The following SRP54 variants were observed in gnomAD, a reference collection of about 807,000 sequenced individuals.
The protein encoded by SRP54 is signal recognition particle 54.
In SRP54, 10 loss-of-function variants were observed where a neutral mutation model predicts 64.8. The observed-to-expected ratio is 0.15, with a 90% confidence interval of 0.10 to 0.26. SRP54 has a LOEUF of 0.26. SRP54 is among the 10% of genes least tolerant of loss of function. SRP54 has a pLI of 1.00. For missense variants in SRP54, 325 were observed against 613.7 expected (o/e 0.53, Z 4.97); for synonymous variants, 193 against 185.6 (o/e 1.04, Z -0.32).
chr14:34,986,245 G>A (rs2043894239), intron 1 of SRP54, among the ~76,000 whole-genome samples: 1 of 152,154 alleles, frequency 6.6e-6, no homozygotes, highest in Admixed American at 6.5e-5. Flanking sequence ...AGAGAAAGTT[G>A]CTTGATACTT....
intron 1 of SRP54, among the ~76,000 whole-genome samples, chr14:34,992,103 T>G (rs1453299127): frequency 6.6e-6 from 1 of 151,956 alleles, no homozygotes; most frequent in African/African-American, 2.4e-5. Context: ...TGGCTAATTT[T>G]TGTGTTTTTA....
chr14:34,997,118 T>C (rs898051969), intron 2 of SRP54, among the ~76,000 whole-genome samples: 5 of 152,172 alleles, frequency 3.3e-5, no homozygotes, highest in Non-Finnish European at 5.9e-5. Context: ...AGACCTAAAA[T>C]TTCATTACTC....
rs570074490 is a variant in SRP54 at position 35,015,462 on chromosome 14, G to T, written c.973+632G>T. On this transcript the variant is annotated intron_variant, in intron 11 of 15. Coordinates refer to ENST00000216774, the MANE Select transcript of SRP54 (RefSeq NM_003136.4). ...CACATTTTCTTTACCCCACATGAAA[G>T]ACCACTCCTGTAGAGAAGGATATTA... is the stretch of plus-strand genomic sequence containing the variant. 4.6e-5 allele frequency among the ~76,000 whole-genome samples: 7 copies of T among 152,252 alleles called. 1 individual carries two copies. In the South Asian group the frequency reaches 1.5e-3, roughly 32 times the overall value.
intron 9 of SRP54, 69 bp from the exon 10 acceptor site, chr14:35,013,733 G>A (rs1238539020): frequency 2.4e-5 from 34 of 1,404,214 alleles, no homozygotes; most frequent in Non-Finnish European, 3.2e-5. Context: ...GATTCACTTC[G>A]AATTTCAGAT....
At chr14:34,999,813 G>A (rs929771689) in intron 3 of SRP54, 164 bp downstream of exon 3, 5 of 472,774 alleles carry the variant, frequency 1.1e-5, no homozygotes, top group African/African-American at 1.9e-5. Flanking sequence ...TGTGTAGTAC[G>A]TTTCCATAAT....
rs1395733282 is a variant in SRP54 at position 34,999,011 on chromosome 14, GTGGTT to G, written c.79-545_79-541del. Among the ~76,000 whole-genome samples the G allele has an allele frequency of 3.0e-4, 14 of 46,278 alleles. 2 individuals are homozygous for G. Among genetic ancestry groups the G allele is most frequent in the Non-Finnish European group, 4.9e-4 (11 of 22,402 alleles). 30.4% of individuals were successfully genotyped at this position (46,278 alleles called of 152,430 possible). A position where few individuals can be genotyped will look rare whatever the true frequency, so the allele number is the denominator to read the frequency against. ...TGTGTGTGTGTGTGTGTGTGTGTGTGTGGTTTTTTTTTTTTTTTTTTGAGACAAAG... is the reference window on the plus strand; with the variant it reads ...TGTGTGTGTGTGTGTGTGTGTGTGTGTTTTTTTTTTTTTTTTGAGACAAAG... On this transcript the variant is annotated intron_variant, in intron 2 of 15. Transcript: ENST00000216774.
intron 1 of SRP54, among the ~76,000 whole-genome samples, chr14:34,983,522 C>T (rs2043841963): frequency 6.6e-6 from 1 of 152,208 alleles, no homozygotes; most frequent in Non-Finnish European, 1.5e-5. Context: ...CCCGAAAATC[C>T]TTTTACTTGT....
At chr14:35,009,793 T>A (rs1258619162) in intron 7 of SRP54, among the ~76,000 whole-genome samples, 1 of 152,068 alleles carries the variant, frequency 6.6e-6, no homozygotes, top group Non-Finnish European at 1.5e-5. Context: ...TTCGGGAGGC[T>A]GAGGTGGGAG....
At chr14:35,015,455 C>T (rs2044423311) in intron 11 of SRP54, among the ~76,000 whole-genome samples, 2 of 152,182 alleles carry the variant, frequency 1.3e-5, no homozygotes, top group Non-Finnish European at 2.9e-5. Flanking sequence ...CTTTACCCCA[C>T]ATGAAAGACC....
chr14:35,010,591 C>T (rs1030864939), intron 7 of SRP54, among the ~76,000 whole-genome samples: 2 of 151,878 alleles, frequency 1.3e-5, no homozygotes, highest in African/African-American at 2.4e-5. Flanking sequence ...ATGGTGAAAC[C>T]CCGTCTTTAC....
At chr14:35,022,583 C>T (rs567256206) in intron 13 of SRP54, among the ~76,000 whole-genome samples, 1 of 152,240 alleles carries the variant, frequency 6.6e-6, no homozygotes, top group South Asian at 2.1e-4. Context: ...TGTCGAACTC[C>T]TGACCTCATG....
At chr14:34,987,246 A>ATATAT (rs759707249) in intron 1 of SRP54, among the ~76,000 whole-genome samples, 64 of 110,054 alleles carry the variant, frequency 5.8e-4, no homozygotes, top group East Asian at 1.4e-3. Flanking sequence ...AAAAAAAAAA[A>ATATAT]ATATATATAT....
intron 4 of SRP54, among the ~76,000 whole-genome samples, chr14:35,003,216 G>C (rs1377752967): frequency 6.6e-6 from 1 of 152,116 alleles, no homozygotes; most frequent in African/African-American, 2.4e-5. Flanking sequence ...TGGTCTAGAG[G>C]AATGGTGTAC....
At chr14:35,010,781 A>T (rs1169803342) in intron 7 of SRP54, among the ~76,000 whole-genome samples, 2 of 152,090 alleles carry the variant, frequency 1.3e-5, no homozygotes, top group African/African-American at 2.4e-5. Context: ...AAATAAATAA[A>T]TACATAAAAA....
intron 1 of SRP54, among the ~76,000 whole-genome samples, chr14:34,995,878 A>G (rs1219428064): frequency 6.6e-6 from 1 of 152,098 alleles, no homozygotes; most frequent in African/African-American, 2.4e-5. Context: ...CCTTGGCAAC[A>G]TAACATAGTG....
intron 14 of SRP54, among the ~76,000 whole-genome samples, chr14:35,026,330 C>T (rs569280036): frequency 2.0e-5 from 3 of 152,062 alleles, no homozygotes; most frequent in Non-Finnish European, 2.9e-5. Flanking sequence ...CAAGCTCAAG[C>T]GATCCTCCAA....
chr14:35,010,146 TA>T (rs990188140), intron 7 of SRP54, among the ~76,000 whole-genome samples: 32 of 149,108 alleles, frequency 2.1e-4, no homozygotes, highest in South Asian at 1.1e-3. Context: ...AGACACCGTT[TA>T]AAAAAAAAAA....
At chr14:34,988,824 GACCAAA>G (rs2043943151) in intron 1 of SRP54, among the ~76,000 whole-genome samples, 1 of 151,570 alleles carries the variant, frequency 6.6e-6, no homozygotes, top group South Asian at 2.1e-4. Context: ...TTGATTCCAG[GACCAAA>G]ATCAGAGGAT....
Position 34,985,794 on chromosome 14 carries a change from G to A in SRP54, c.-34+2579G>A, listed in dbSNP as rs920618287. Among the ~76,000 whole-genome samples the A allele has an allele frequency of 2.0e-5, 3 of 152,156 alleles. No homozygotes were observed. The South Asian group carries it at 6.2e-4, about 32-fold the overall frequency. On this transcript the variant is annotated intron_variant, in intron 1 of 15. Transcript: ENST00000216774. Reference sequence around the variant, plus strand: ...ACTCCAGATTAAGAATTTAGATGAAGCTACTCCCCCTAAAACTTTTTTACC... The same window carrying A: ...ACTCCAGATTAAGAATTTAGATGAAACTACTCCCCCTAAAACTTTTTTACC...
Sources: gnomAD v4.1 joint callset for allele counts (sites outside exome capture counted in the v4.1 genomes callset) on GRCh38, gnomAD v4.1.1 for gene constraint, MANE v1.5 for transcripts, NCBI Gene and HGNC (gene_info 2026-07-23, HGNC 2026-07-21) for gene names.